The following NBAS variants were observed in gnomAD, a reference collection of about 807,000 sequenced individuals.
NBAS encodes NAG/BC035112 fusion.
Under a neutral mutation model 302.5 loss-of-function variants are expected in NBAS, and 219 were observed. That is an observed-to-expected ratio of 0.72 (90% CI 0.65 to 0.81). NBAS has a LOEUF of 0.81. NBAS is among the 30% of genes least tolerant of loss of function. NBAS has a pLI of 0.00. For synonymous variants in NBAS, 1,118 were observed against 1,021.6 expected, an observed-to-expected ratio of 1.09 and a Z score of -1.80; for missense variants, 2,932 against 2,841.6, an observed-to-expected ratio of 1.03 and a Z score of -0.72.
chr2:15,181,506 T>C (rs1355780402), intron 50 of NBAS, among the ~76,000 whole-genome samples: 1 of 152,204 alleles, frequency 6.6e-6, no homozygotes, highest in Non-Finnish European at 1.5e-5. Flanking sequence ...TATTAAGAGA[T>C]TTACAAAGGG....
chr2:14,780,534 CAA>C, the NBAS span, among the ~76,000 whole-genome samples: 6 of 152,200 alleles, frequency 3.9e-5, no homozygotes, highest in Admixed American at 1.3e-4. Context: ...AAGTCAGATG[CAA>C]AGATTTGGTA....
At chr2:15,039,856 C>T in the NBAS span, among the ~76,000 whole-genome samples, 2 of 152,182 alleles carry the variant, frequency 1.3e-5, no homozygotes, top group African/African-American at 4.8e-5. Flanking sequence ...TTCCTGGTGC[C>T]TCCTCCAAGC....
intron 40 of NBAS, among the ~76,000 whole-genome samples, chr2:15,302,349 A>G (rs1310273201): frequency 6.6e-6 from 1 of 152,180 alleles, no homozygotes; most frequent in African/African-American, 2.4e-5. Context: ...ATCTCAGGCT[A>G]CCAGAGAGCA....
At chr2:14,873,159 G>A in the NBAS span, among the ~76,000 whole-genome samples, 1 of 152,150 alleles carries the variant, frequency 6.6e-6, no homozygotes, top group Non-Finnish European at 1.5e-5. Flanking sequence ...TTCACAGAGA[G>A]CTGATTGGCC....
the NBAS span, among the ~76,000 whole-genome samples, chr2:14,916,328 G>A: frequency 0.069 from 10,494 of 152,126 alleles, 422 homozygotes; most frequent in Non-Finnish European, 0.088. Context: ...AGAAAGCAAC[G>A]TAAAGGACAA....
At chr2:15,246,165 T>C (rs1268759551) in intron 44 of NBAS, among the ~76,000 whole-genome samples, 3 of 152,234 alleles carry the variant, frequency 2.0e-5, no homozygotes, top group African/African-American at 7.2e-5. Context: ...AAGAAAATCT[T>C]ATTTCAAAGA....
chr2:14,866,647 C>T, the NBAS span, among the ~76,000 whole-genome samples: 27 of 152,208 alleles, frequency 1.8e-4, no homozygotes, highest in Admixed American at 7.2e-4. Flanking sequence ...TTCTCACTCA[C>T]TCCATGTAAT....
chr2:15,205,080 A>G (rs71435468), intron 48 of NBAS, among the ~76,000 whole-genome samples: 1 of 152,290 alleles, frequency 6.6e-6, no homozygotes, highest in African/African-American at 2.4e-5. Context: ...ATAGAATAAA[A>G]CAATAAGTTA....
At chr2:15,247,060 C>T (rs16862448) in intron 44 of NBAS, among the ~76,000 whole-genome samples, 2 of 151,922 alleles carry the variant, frequency 1.3e-5, no homozygotes, top group African/African-American at 4.8e-5. Flanking sequence ...GAAACTAAGA[C>T]AAGAAAGGAG....
intron 25 of NBAS, among the ~76,000 whole-genome samples, chr2:15,411,808 G>A (rs1676700182): frequency 6.6e-6 from 1 of 152,166 alleles, no homozygotes; most frequent in Admixed American, 6.5e-5. Flanking sequence ...TCTGGATTGA[G>A]CATAGAAAAT....
intron 38 of NBAS, among the ~76,000 whole-genome samples, chr2:15,310,487 C>G (rs576951221): frequency 6.6e-6 from 1 of 152,314 alleles, no homozygotes; most frequent in East Asian, 1.9e-4. Context: ...TATTCCTTCA[C>G]TCAACATCAA....
the NBAS span, among the ~76,000 whole-genome samples, chr2:15,131,964 T>C: frequency 2.0e-5 from 3 of 152,182 alleles, no homozygotes; most frequent in Non-Finnish European, 4.4e-5. Context: ...CAACGAGGGA[T>C]CCACCCCGTG....
intron 38 of NBAS, among the ~76,000 whole-genome samples, chr2:15,326,929 G>A (rs1414187910): frequency 6.6e-6 from 1 of 152,088 alleles, no homozygotes; most frequent in Non-Finnish European, 1.5e-5. Flanking sequence ...CAGCTTTTGG[G>A]GGGAATTAGC....
chr2:14,783,901 C>T, the NBAS span, among the ~76,000 whole-genome samples: 4 of 150,910 alleles, frequency 2.7e-5, no homozygotes, highest in African/African-American at 9.7e-5. Context: ...GCCACACTGA[C>T]TTCCACAATG....
chr2:14,971,583 C>T, the NBAS span, among the ~76,000 whole-genome samples: 2 of 152,030 alleles, frequency 1.3e-5, no homozygotes, highest in African/African-American at 4.8e-5. Flanking sequence ...CTTCGTTTTC[C>T]CTTTTCTTCC....
At chr2:15,330,469 A>G (rs993284162) in intron 36 of NBAS, 129 bp downstream of exon 36, 4 of 1,247,086 alleles carry the variant, frequency 3.2e-6, no homozygotes, top group Non-Finnish European at 4.5e-6. Flanking sequence ...TGAGAGGCCT[A>G]CATTTCTTAA....
chr2:15,345,768 A>T (rs1673058961), intron 35 of NBAS, among the ~76,000 whole-genome samples: 1 of 152,208 alleles, frequency 6.6e-6, no homozygotes, highest in Non-Finnish European at 1.5e-5. Flanking sequence ...CTACAAGGCT[A>T]CAGTGACCAA....
At chr2:15,220,519 T>C (rs562978687) in intron 47 of NBAS, among the ~76,000 whole-genome samples, 8 of 152,308 alleles carry the variant, frequency 5.3e-5, no homozygotes, top group African/African-American at 1.9e-4. Flanking sequence ...AAGTGAAGTA[T>C]GAATGCTTGG....
At chr2:15,251,872 C>G (rs939774359) in intron 44 of NBAS, among the ~76,000 whole-genome samples, 3 of 152,138 alleles carry the variant, frequency 2.0e-5, no homozygotes, top group African/African-American at 7.2e-5. Flanking sequence ...GGGAATGCAG[C>G]CCAGTAAGTT....
Sources: allele counts gnomAD v4.1 joint callset (sites outside exome capture counted in the v4.1 genomes callset), GRCh38; gene constraint gnomAD v4.1.1; transcripts MANE v1.5; gene names NCBI Gene and HGNC (gene_info 2026-07-23, HGNC 2026-07-21).